Variants in LIPI observed in about 807,000 individuals in gnomAD.
LIPI encodes lipase I, also known as lipase member I.
In LIPI, 59 loss-of-function variants were observed where a neutral mutation model predicts 50.6. The observed-to-expected ratio is 1.16, with a 90% CI of 0.94 to 1.45. The LOEUF (loss-of-function observed/expected upper bound fraction) is 1.45. Ranked by LOEUF, LIPI falls within the 40% of genes most tolerant of loss-of-function variation. LIPI has a pLI of 0.00. For missense variants in LIPI, 586 were observed against 536.3 expected (o/e 1.09, Z -0.92); for synonymous variants, 203 against 178.2 (o/e 1.14, Z -1.11).
At chr21:14,152,091 ATTT>A (rs989523832) in intron 8 of LIPI, among the ~76,000 whole-genome samples, 8 of 150,188 alleles carry the variant, frequency 5.3e-5, no homozygotes, top group African/African-American at 1.9e-4. Context: ...TTATTTATTT[ATTT>A]ATTTATTTAT....
intron 9 of LIPI, among the ~76,000 whole-genome samples, chr21:14,109,798 C>T (rs1364085361): frequency 6.6e-6 from 1 of 151,696 alleles, no homozygotes; most frequent in Non-Finnish European, 1.5e-5. Context: ...GTTCACAATG[C>T]CTATCAATGT....
intron 7 of LIPI, among the ~76,000 whole-genome samples, chr21:14,160,529 T>C (rs777602095): frequency 6.6e-6 from 1 of 151,214 alleles, no homozygotes; most frequent in African/African-American, 2.4e-5. Context: ...ATGTAACACA[T>C]AGAACTATTA....
At chr21:14,128,683 TCATCCAAAG>T (rs1252436658) in intron 9 of LIPI, among the ~76,000 whole-genome samples, 1 of 150,166 alleles carries the variant, frequency 6.7e-6, no homozygotes, top group Non-Finnish European at 1.5e-5. Context: ...CTTAAGTGTG[TCATCCAAAG>T]CATGCATGTT....
At chr21:14,166,942 G>A (rs1189244855) in intron 4 of LIPI, among the ~76,000 whole-genome samples, 1 of 152,220 alleles carries the variant, frequency 6.6e-6, no homozygotes, top group Non-Finnish European at 1.5e-5. Flanking sequence ...AAGGGATCAG[G>A]GAGTTCCCTT....
At chr21:14,124,127 C>G (rs1284449170) in intron 9 of LIPI, among the ~76,000 whole-genome samples, 1 of 152,094 alleles carries the variant, frequency 6.6e-6, no homozygotes, top group African/African-American at 2.4e-5. Context: ...TCTTTTACCT[C>G]TCCTCTTCAG....
intron 9 of LIPI, among the ~76,000 whole-genome samples, chr21:14,118,086 G>A (rs1225748425): frequency 6.6e-6 from 1 of 151,916 alleles, no homozygotes; most frequent in African/African-American, 2.4e-5. Context: ...TCCAGAGAAA[G>A]AATAGGACAA....
Position 14,152,844 on chromosome 21 carries a change from G to GGGTA in LIPI, c.1007-164_1007-161dup, listed in dbSNP as rs369507458. On this transcript the variant is annotated intron_variant, in intron 7 of 9. Coordinates refer to ENST00000681601, the MANE Select transcript of LIPI (RefSeq NM_001302998.2). ...TATTGAGAGGACTCATTTGGTAAAT[G>GGGTA]GGTAATATATTTTACCTTTTGTTTG... Among the ~76,000 whole-genome samples the GGGTA allele has an allele frequency of 5.6e-3, 852 of 152,106 alleles. 10 individuals are homozygous for GGGTA. Among genetic ancestry groups the GGGTA allele is most frequent in the African/African-American group, 0.019 (787 of 41,502 alleles).
intron 1 of LIPI, among the ~76,000 whole-genome samples, chr21:14,196,004 G>A (rs193138587): frequency 6.6e-6 from 1 of 151,986 alleles, no homozygotes; most frequent in Non-Finnish European, 1.5e-5. Context: ...ATGACAAAAT[G>A]ATACAATTAT....
intron 2 of LIPI, 122 bp from the exon 3 acceptor site, chr21:14,186,191 T>A (rs113937003): frequency 1.7e-5 from 12 of 691,400 alleles, no homozygotes; most frequent in African/African-American, 1.2e-4. Context: ...TTTGGGGATA[T>A]CGGGAAAGAG....
At chr21:14,115,380 C>T (rs1021996383) in intron 9 of LIPI, among the ~76,000 whole-genome samples, 6 of 152,164 alleles carry the variant, frequency 3.9e-5, no homozygotes, top group Non-Finnish European at 1.5e-5. Context: ...TCACATAGCT[C>T]CCGGCCACTG....
chr21:14,111,292 T>G (rs2016402729), intron 9 of LIPI, among the ~76,000 whole-genome samples: 1 of 152,106 alleles, frequency 6.6e-6, no homozygotes, highest in African/African-American at 2.4e-5. Flanking sequence ...CTAACAGTCA[T>G]GAGGTGATAG....
intron 3 of LIPI, among the ~76,000 whole-genome samples, chr21:14,182,132 A>C (rs377637948): frequency 2.0e-5 from 3 of 152,276 alleles, no homozygotes; most frequent in East Asian, 3.9e-4. Flanking sequence ...CTGAATTAGG[A>C]GTAATAAAGT....
chr21:14,150,530 C>A (rs923060448), intron 8 of LIPI, among the ~76,000 whole-genome samples: 1 of 152,108 alleles, frequency 6.6e-6, no homozygotes, highest in Non-Finnish European at 1.5e-5. Context: ...CAGTTTGGAT[C>A]CCCATTATTT....
chr21:14,118,284 A>G (rs1015064881), intron 9 of LIPI, among the ~76,000 whole-genome samples: 1 of 152,132 alleles, frequency 6.6e-6, no homozygotes, highest in Admixed American at 6.6e-5. Context: ...AGGGCGCTGA[A>G]AAATAGACTT....
chr21:14,144,548 T>TAA (rs1442468591), intron 9 of LIPI, 75 bp downstream of exon 9: 3 of 768,356 alleles, frequency 3.9e-6, no homozygotes, highest in Non-Finnish European at 6.7e-6. Context: ...CATGAATTTT[T>TAA]AAACCATTAC....
In LIPI at chr21:14,118,360, A is replaced by G. The variant is rs565436625; in HGVS notation, c.1296-9280T>C. Among the ~76,000 whole-genome samples the G allele has an allele frequency of 7.9e-5, 12 of 152,300 alleles. No homozygotes were observed. In the East Asian group the frequency reaches 2.3e-3, roughly 29 times the overall value. ...AAAATTGGGCCGTTATCAAAAGACT[A>G]TGCTAATATTATCAGAGCCACAGTT... On this transcript the variant is annotated intron_variant, in intron 9 of 9. Coordinates refer to ENST00000681601, the MANE Select transcript of LIPI (RefSeq NM_001302998.2).
At chr21:14,158,438 A>C (rs2018347408) in intron 7 of LIPI, among the ~76,000 whole-genome samples, 1 of 151,612 alleles carries the variant, frequency 6.6e-6, no homozygotes, top group Admixed American at 6.6e-5. Flanking sequence ...ATCAGGCAGT[A>C]CTGAGAGGAA....
At position 14,163,332 on chromosome 21, in the gene LIPI, G is replaced by A. The variant is rs2018559205; in HGVS notation, c.1006+87C>T. On this transcript the variant is annotated intron_variant, in intron 7 of 9. Coordinates refer to ENST00000681601, the MANE Select transcript of LIPI (RefSeq NM_001302998.2). The stretch of plus-strand genomic sequence containing the variant: ...TGAAAGAACATGATGGAATTTGAGT[G>A]GGTGCAAAGAACACTTTGAATCAAA... The A allele has an allele frequency of 2.2e-5, 15 of 693,392 alleles. No homozygotes were observed. In the South Asian group the frequency reaches 2.4e-4, roughly 11 times the overall value. The allele number at this position is 693,392 out of a possible 1,614,324, so 43.0% of individuals were successfully genotyped here.
Position 14,189,192 on chromosome 21 carries a change from A to G in LIPI, c.274T>C (p.Trp92Arg), listed in dbSNP as rs1029363326. ...GYRPVGSIPLWLQNFVRILLN... is the reference protein window; with the variant it reads ...GYRPVGSIPLRLQNFVRILLN... ...AAAATCCTTACGAAGTTCTGAAGCC[A>G]TAATGGGATGGAGCCTACTGGTCTG... Residue 92 changes from tryptophan (W) to arginine (R), a missense_variant, in exon 2 of 10, where the codon TGG (tryptophan) becomes CGG (arginine). Trp to Arg is a moderately radical substitution (Grantham distance 101, BLOSUM62 -3). Transcript: ENST00000681601. The G allele has an allele frequency of 6.2e-7, 1 of 1,614,164 alleles. No individual in the cohort carries two copies.
Sources: allele counts gnomAD v4.1 joint callset (sites outside exome capture counted in the v4.1 genomes callset), GRCh38; gene constraint gnomAD v4.1.1; transcripts MANE v1.5; gene names NCBI Gene and HGNC (gene_info 2026-07-23, HGNC 2026-07-21).